Variants in TTLL11 observed in about 807,000 individuals in gnomAD.
TTLL11 encodes tubulin tyrosine ligase like 11.
A neutral mutation model predicts 51.7 loss-of-function variants in TTLL11; 42 were observed. The ratio of observed to expected loss-of-function variants is 0.81; its 90% CI spans 0.64 to 1.05. The LOEUF (loss-of-function observed/expected upper bound fraction) is 1.05. TTLL11 is among the 50% of genes least tolerant of loss of function. The pLI is 0.00. For synonymous variants in TTLL11, 381 were observed against 383.5 expected (o/e 0.99, Z 0.08); for missense variants, 799 against 940.4 (o/e 0.85, Z 1.97).
At position 121,822,425 on chromosome 9, in the gene TTLL11, C is replaced by A. The variant is rs896732864; in HGVS notation, c.*162G>T. On this transcript the variant is annotated 3_prime_UTR_variant, in exon 9 of 9. Coordinates refer to ENST00000321582, the MANE Select transcript of TTLL11 (RefSeq NM_001139442.2). This position sits in a 1 kb window ranked among gnomAD's most constrained non-coding sequence, Gnocchi z 5.8. The stretch of plus-strand genomic sequence containing the variant: ...AGGAAGGCAGGTGAGAACCAGCCAG[C>A]CTGGTGAAGCACAGCTCAGCCGCAC... 1.0e-5 allele frequency: 6 copies of A among 593,566 alleles called. No homozygotes were observed. Among genetic ancestry groups the A allele is most frequent in the Admixed American group, 7.9e-5 (2 of 25,380 alleles). The allele number at this position is 593,566 out of a possible 1,614,324, so 36.8% of individuals were successfully genotyped here. A position where few individuals can be genotyped will look rare whatever the true frequency, so the allele number is the denominator to read the frequency against.
At chr9:122,065,279 G>T (rs941275011) in intron 1 of TTLL11, among the ~76,000 whole-genome samples, 1 of 152,222 alleles carries the variant, frequency 6.6e-6, no homozygotes, top group East Asian at 1.9e-4. Flanking sequence ...AGAGTTCCTC[G>T]AAGTAATTTA....
chr9:122,048,177 A>AT (rs1845069096), intron 1 of TTLL11, among the ~76,000 whole-genome samples: 1 of 151,064 alleles, frequency 6.6e-6, no homozygotes, highest in East Asian at 1.9e-4. Flanking sequence ...TTTTATTTTT[A>AT]TTTTTTCAGA....
At chr9:122,023,645 A>G (rs1844239802) in intron 3 of TTLL11, among the ~76,000 whole-genome samples, 1 of 151,986 alleles carries the variant, frequency 6.6e-6, no homozygotes, top group South Asian at 2.1e-4. Flanking sequence ...AATATTTAAA[A>G]ATCAACCAAT....
chr9:121,867,120 T>C (rs1053343760), intron 7 of TTLL11, among the ~76,000 whole-genome samples: 15 of 152,352 alleles, frequency 9.8e-5, no homozygotes, highest in South Asian at 6.2e-4. Context: ...TCAAGAGTCA[T>C]AGCAGTCCTC....
At chr9:121,850,203 G>A (rs777959360) in intron 8 of TTLL11, among the ~76,000 whole-genome samples, 7 of 152,158 alleles carry the variant, frequency 4.6e-5, no homozygotes, top group African/African-American at 7.2e-5. Context: ...TAGATACAGA[G>A]ATAGATATAG....
chr9:122,058,924 G>A lies in TTLL11; in HGVS notation c.463-19556C>T, dbSNP rs571725394. 2.6e-5 allele frequency among the ~76,000 whole-genome samples: 4 copies of A among 152,322 alleles called. No individual in the cohort carries two copies. In the East Asian group the frequency reaches 5.8e-4, roughly 22 times the overall value. On this transcript the variant is annotated intron_variant, in intron 1 of 8. Coordinates refer to ENST00000321582, the MANE Select transcript of TTLL11 (RefSeq NM_001139442.2). The stretch of plus-strand genomic sequence containing the variant: ...ATAATGAGGCAATTGCATTAAGTGT[G>A]TGTCACCCTGATCAGCTGGCGTGGT...
intron 3 of TTLL11, among the ~76,000 whole-genome samples, chr9:122,008,221 C>A (rs1485054584): frequency 6.6e-6 from 1 of 152,156 alleles, no homozygotes; most frequent in East Asian, 1.9e-4. Context: ...CAATCCAGGA[C>A]CTTCTTTTGC....
At chr9:122,053,930 C>T (rs546105988) in intron 1 of TTLL11, among the ~76,000 whole-genome samples, 2 of 152,012 alleles carry the variant, frequency 1.3e-5, no homozygotes, top group East Asian at 1.9e-4. Flanking sequence ...GTGGGTTTCC[C>T]GGGAACACAA....
chr9:122,087,207 C>T (rs1047450967), intron 1 of TTLL11, among the ~76,000 whole-genome samples: 1 of 149,874 alleles, frequency 6.7e-6, no homozygotes, highest in Non-Finnish European at 1.5e-5. Context: ...AGTAAATACT[C>T]AATACAATTT....
At position 121,868,039 on chromosome 9, in the gene TTLL11, C is replaced by T. The variant is rs558268374; in HGVS notation, c.1733+2458G>A. 1.6e-4 allele frequency among the ~76,000 whole-genome samples: 25 copies of T among 152,242 alleles called. 1 individual carries two copies. The East Asian group carries it at 4.8e-3, about 29-fold the overall frequency. ...AGATGTCATCCACATGAAGCCAAGC[C>T]ATTCCTTCATGTTCTCTGATCTTGA... On this transcript the variant is annotated intron_variant, in intron 7 of 8. Transcript: ENST00000321582.
chr9:121,939,112 G>A (rs1841347669), intron 6 of TTLL11, among the ~76,000 whole-genome samples: 1 of 152,166 alleles, frequency 6.6e-6, no homozygotes, highest in African/African-American at 2.4e-5. Context: ...TGTAATAGCA[G>A]GGATGAAGAA....
intron 2 of TTLL11, among the ~76,000 whole-genome samples, chr9:122,035,860 G>GT (rs1302401108): frequency 6.6e-6 from 1 of 152,192 alleles, no homozygotes; most frequent in Non-Finnish European, 1.5e-5. Flanking sequence ...CAATGCTGTA[G>GT]TTGGGTTCCT....
Position 121,815,713 on chromosome 9 carries a change from T to G in TTLL11, c.*6874A>C. ...AGCCTGTGTTTAGCAACACTCAGCTTCGTTTTATTATTGCGTTTTATGAAG... is the reference window on the plus strand; with the variant it reads ...AGCCTGTGTTTAGCAACACTCAGCTGCGTTTTATTATTGCGTTTTATGAAG... On this transcript the variant is annotated 3_prime_UTR_variant, in exon 9 of 9. Transcript: ENST00000321582. 1 of 152,228 alleles carries G rather than the reference T, an allele frequency of 6.6e-6. No homozygotes were observed. Among genetic ancestry groups the G allele is most frequent in the East Asian group, 1.9e-4 (1 of 5,200 alleles). The allele number at this position is 152,228 out of a possible 1,614,324, so 9.4% of individuals were successfully genotyped here. A position where few individuals can be genotyped will look rare whatever the true frequency, so the allele number is the denominator to read the frequency against.
At chr9:121,899,702 C>A (rs1839699332) in intron 6 of TTLL11, among the ~76,000 whole-genome samples, 1 of 152,022 alleles carries the variant, frequency 6.6e-6, no homozygotes, top group Non-Finnish European at 1.5e-5. Flanking sequence ...CCTTGCCAGG[C>A]CCACCCTATA....
chr9:122,053,285 A>G (rs1845209314), intron 1 of TTLL11, among the ~76,000 whole-genome samples: 1 of 152,150 alleles, frequency 6.6e-6, no homozygotes, highest in African/African-American at 2.4e-5. Context: ...CTAGATGAGA[A>G]AAGCTTAACC....
In TTLL11 at chr9:121,938,784, G is replaced by A. The variant is rs192071720; in HGVS notation, c.1481+35225C>T. Among the ~76,000 whole-genome samples, 333 of 151,782 alleles carry A rather than the reference G, an allele frequency of 2.2e-3. 3 individuals are homozygous for A. The highest frequency in any genetic ancestry group is 4.0e-3 in the Non-Finnish European group (275 of 67,934). ...ATATGCCTCAGATTGGCAAACATTT[G>A]ATAAGTTTCATAACCAGGTGTTGGC... On this transcript the variant is annotated intron_variant, in intron 6 of 8. Coordinates refer to ENST00000321582, the MANE Select transcript of TTLL11 (RefSeq NM_001139442.2).
intron 3 of TTLL11, among the ~76,000 whole-genome samples, chr9:122,031,286 T>TC (rs1023991729): frequency 6.6e-6 from 1 of 152,170 alleles, no homozygotes; most frequent in African/African-American, 2.4e-5. Context: ...CTGAAAAGGT[T>TC]CCCCATGAGT....
chr9:121,925,413 C>T (rs1452381463), intron 6 of TTLL11, among the ~76,000 whole-genome samples: 2 of 152,174 alleles, frequency 1.3e-5, no homozygotes, highest in African/African-American at 4.8e-5. Flanking sequence ...TCTCGCCAGC[C>T]TTCCAGCTGC....
At chr9:122,078,949 C>G (rs897366503) in intron 1 of TTLL11, among the ~76,000 whole-genome samples, 2 of 152,132 alleles carry the variant, frequency 1.3e-5, no homozygotes, top group African/African-American at 4.8e-5. Context: ...GTTTAGAGTA[C>G]TGTTACAGCT....
Sources: allele counts gnomAD v4.1 joint callset (sites outside exome capture counted in the v4.1 genomes callset), GRCh38; gene constraint gnomAD v4.1.1; non-coding constraint Gnocchi (gnomAD v3.1); transcripts MANE v1.5; gene names NCBI Gene and HGNC (gene_info 2026-07-23, HGNC 2026-07-21).